FOXN3: variants seen among roughly 807,000 people sequenced by gnomAD.
The protein encoded by FOXN3 is forkhead box N3.
FOXN3 carries 7 observed loss-of-function variants against 38.4 expected under a neutral mutation model. The observed-to-expected ratio is 0.18, with a 90% CI of 0.10 to 0.34. The LOEUF (loss-of-function observed/expected upper bound fraction) is 0.34, where lower values mean the gene tolerates loss of function less well. FOXN3 is among the 10% of genes least tolerant of loss of function. The probability of loss-of-function intolerance (pLI) is 1.00; values close to 1 mark genes in which losing one functional copy is unlikely to be tolerated. For missense variants in FOXN3, 456 were observed against 613.4 expected (o/e 0.74, Z 2.71); for synonymous variants, 230 against 242.2 (o/e 0.95, Z 0.47).
chr14:89,262,731 T>A (rs922698319), intron 4 of FOXN3, among the ~76,000 whole-genome samples: 3 of 143,130 alleles, frequency 2.1e-5, no homozygotes, highest in Non-Finnish European at 3.2e-5. Context: ...AATATTAAAA[T>A]GATGCTAATT....
At chr14:89,532,838 G>T (rs1166180064) in intron 1 of FOXN3, among the ~76,000 whole-genome samples, 2 of 152,136 alleles carry the variant, frequency 1.3e-5, no homozygotes, top group Non-Finnish European at 2.9e-5. Flanking sequence ...AAAGACATTT[G>T]TATAGCTATA....
At chr14:89,343,489 T>TA (rs5810455) in intron 3 of FOXN3, among the ~76,000 whole-genome samples, 141,890 of 145,862 alleles carry the variant, frequency 0.97, 69,032 homozygotes, top group South Asian at 1. Context: ...ACATTTAAAT[T>TA]AAAAAAAAAA....
intron 1 of FOXN3, among the ~76,000 whole-genome samples, chr14:89,612,733 G>A (rs1896418020): frequency 1.3e-5 from 2 of 151,882 alleles, no homozygotes; most frequent in Non-Finnish European, 2.9e-5. Flanking sequence ...GTTCGAGGCT[G>A]CATTGAGCCC....
chr14:89,181,482 C>T (rs1887673636), intron 4 of FOXN3, among the ~76,000 whole-genome samples: 1 of 152,204 alleles, frequency 6.6e-6, no homozygotes, highest in African/African-American at 2.4e-5. Context: ...TCTCAGCACG[C>T]ACCACACAGT....
intron 1 of FOXN3, among the ~76,000 whole-genome samples, chr14:89,413,713 ACGG>A (rs1891607220): frequency 7.3e-6 from 1 of 137,170 alleles, no homozygotes; most frequent in Non-Finnish European, 1.6e-5. Flanking sequence ...GGGGAAGGGA[ACGG>A]AAGAGAAGGG....
At chr14:89,167,996 G>A (rs894020850) in intron 5 of FOXN3, among the ~76,000 whole-genome samples, 4 of 152,122 alleles carry the variant, frequency 2.6e-5, no homozygotes, top group Admixed American at 2.0e-4. Flanking sequence ...GCTCCCCACC[G>A]AAGTTTTAAA....
chr14:89,274,602 C>A (rs555798804), intron 4 of FOXN3, among the ~76,000 whole-genome samples: 1 of 152,168 alleles, frequency 6.6e-6, no homozygotes, highest in Non-Finnish European at 1.5e-5. Context: ...GGTCAGAGAG[C>A]TGGTGCCCAG....
chr14:89,177,005 CTTTCTTT>C (rs1368255636), intron 5 of FOXN3, among the ~76,000 whole-genome samples: 30 of 125,030 alleles, frequency 2.4e-4, no homozygotes, highest in Middle Eastern at 4.7e-3. Flanking sequence ...CTCTCTCTTT[CTTTCTTT>C]TTTTTTTTTT....
At chr14:89,299,979 C>A (rs1216428471) in intron 3 of FOXN3, among the ~76,000 whole-genome samples, 1 of 152,184 alleles carries the variant, frequency 6.6e-6, no homozygotes, top group Non-Finnish European at 1.5e-5. Context: ...GCCACACTTG[C>A]ATCTTCTGTC....
In FOXN3 at chr14:89,500,187, G is replaced by A. The variant is rs569950860; in HGVS notation, c.-14-87697C>T. Among the ~76,000 whole-genome samples the A allele has an allele frequency of 1.2e-4, 18 of 152,098 alleles. No individual in the cohort carries two copies. The South Asian group carries it at 1.9e-3, about 16-fold the overall frequency. On this transcript the variant is annotated intron_variant, in intron 1 of 6. Transcript: ENST00000345097. ...TTTTTACACCATGAATTTCATTTAC[G>A]GGCACTCTTCAGTAGAACTCAGCTT... is the stretch of plus-strand genomic sequence containing the variant.
intron 1 of FOXN3, among the ~76,000 whole-genome samples, chr14:89,592,240 A>C (rs541968713): frequency 1.3e-5 from 2 of 152,350 alleles, no homozygotes; most frequent in African/African-American, 4.8e-5. Context: ...CCAATGTTCA[A>C]CTAATAGAGT....
At chr14:89,387,401 T>G (rs548623064) in intron 2 of FOXN3, among the ~76,000 whole-genome samples, 62 of 152,350 alleles carry the variant, frequency 4.1e-4, no homozygotes, top group African/African-American at 1.5e-3. Flanking sequence ...TTATCATTAT[T>G]TAATCTTTAA....
intron 4 of FOXN3, among the ~76,000 whole-genome samples, chr14:89,262,194 G>C (rs1406562406): frequency 6.6e-6 from 1 of 152,204 alleles, no homozygotes; most frequent in Non-Finnish European, 1.5e-5. Flanking sequence ...CCTGAGAAGG[G>C]GCAGGTTTTA....
intron 2 of FOXN3, among the ~76,000 whole-genome samples, chr14:89,394,231 T>TC (rs1389474395): frequency 6.3e-4 from 93 of 146,876 alleles, no homozygotes; most frequent in South Asian, 1.8e-3. Flanking sequence ...TTTTTTTTTT[T>TC]TTTGAGATGG....
At chr14:89,591,961 C>G (rs1895963504) in intron 1 of FOXN3, among the ~76,000 whole-genome samples, 1 of 152,004 alleles carries the variant, frequency 6.6e-6, no homozygotes, top group African/African-American at 2.4e-5. Flanking sequence ...AAACAAGAAA[C>G]TCAAAGGAAA....
At chr14:89,521,358 T>TAGATAGAGAGAGAG (rs554058509) in intron 1 of FOXN3, among the ~76,000 whole-genome samples, 16 of 124,968 alleles carry the variant, frequency 1.3e-4, no homozygotes, top group Non-Finnish European at 2.4e-4. Context: ...AGATGATAGA[T>TAGATAGAGAGAGAG]AGAGAGAGAG....
At chr14:89,287,037 T>C (rs561698621) in intron 3 of FOXN3, among the ~76,000 whole-genome samples, 2 of 152,276 alleles carry the variant, frequency 1.3e-5, no homozygotes, top group South Asian at 4.2e-4. Context: ...GTCTTTTAAC[T>C]TGTCAAAGTC....
At chr14:89,194,824 T>C (rs1303664042) in intron 4 of FOXN3, among the ~76,000 whole-genome samples, 1 of 152,024 alleles carries the variant, frequency 6.6e-6, no homozygotes, top group African/African-American at 2.4e-5. Flanking sequence ...ATTATGTATG[T>C]GAAAATAAGC....
At chr14:89,523,947 C>G (rs1002109965) in intron 1 of FOXN3, among the ~76,000 whole-genome samples, 6 of 151,498 alleles carry the variant, frequency 4.0e-5, no homozygotes, top group Non-Finnish European at 7.4e-5. Flanking sequence ...ATTTTTAGTA[C>G]AGACGGGGTT....
Sources: allele counts gnomAD v4.1 joint callset (sites outside exome capture counted in the v4.1 genomes callset), GRCh38; gene constraint gnomAD v4.1.1; transcripts MANE v1.5; gene names NCBI Gene and HGNC (gene_info 2026-07-23, HGNC 2026-07-21).